Variants in MCF2L observed in about 807,000 individuals in gnomAD.
MCF2L encodes the protein guanine nucleotide exchange factor DBS.
A neutral mutation model predicts 153.4 loss-of-function variants in MCF2L; 97 were observed. The ratio of observed to expected loss-of-function variants is 0.63; its 90% CI spans 0.54 to 0.75. The LOEUF (loss-of-function observed/expected upper bound fraction) is 0.75. MCF2L is among the 30% of genes least tolerant of loss of function. The probability of loss-of-function intolerance (pLI) is 0.00; values close to 1 mark genes in which losing one functional copy is unlikely to be tolerated. For missense variants in MCF2L, 1,347 were observed against 1,495.2 expected, an observed-to-expected ratio of 0.90 and a Z score of 1.64; for synonymous variants, 659 against 632.2, an observed-to-expected ratio of 1.04 and a Z score of -0.64.
At position 113,035,220 on chromosome 13, in the gene MCF2L, C is replaced by T. The variant is rs1260012685; in HGVS notation, c.279-10051C>T. Among the ~76,000 whole-genome samples the T allele has an allele frequency of 6.6e-6, 1 of 152,230 alleles. No individual in the cohort carries two copies. Among genetic ancestry groups the T allele is most frequent in the Non-Finnish European group, 1.5e-5 (1 of 68,038 alleles). The stretch of plus-strand genomic sequence containing the variant: ...CTTCTCTGGGTGACTCTGACGCTCT[C>T]ATTGCTTCACGTTTAATTTTTGTGT... On this transcript the variant is annotated intron_variant, in intron 3 of 29. Coordinates refer to ENST00000535094, the MANE Select transcript of MCF2L (RefSeq NM_001112732.3). The surrounding 1 kb of genome is among the most constrained non-coding windows in gnomAD (Gnocchi z 4.4).
At chr13:112,910,573 G>A (rs1474851143) in intron 2 of MCF2L, 1 of 152,226 alleles carries the variant, frequency 6.6e-6, no homozygotes, top group African/African-American at 2.4e-5. Context: ...GTGCAGTTTT[G>A]TAAAAGACTT....
At chr13:112,971,224 C>G (rs1169216570) in intron 1 of MCF2L, among the ~76,000 whole-genome samples, 2 of 152,186 alleles carry the variant, frequency 1.3e-5, no homozygotes, top group Non-Finnish European at 2.9e-5. Flanking sequence ...TGCACATTCT[C>G]TGGTAGGGGT....
intron 1 of MCF2L, among the ~76,000 whole-genome samples, chr13:113,011,818 C>T (rs566589003): frequency 7.7e-5 from 7 of 90,562 alleles, no homozygotes; most frequent in African/African-American, 2.8e-4. Flanking sequence ...GCGGTGTGGA[C>T]GGTGGACACT....
chr13:112,905,410 TGTTACAGATTGGGAATGGATGTGG>T (rs1238869602), intron 2 of MCF2L, among the ~76,000 whole-genome samples: 1 of 152,256 alleles, frequency 6.6e-6, no homozygotes. Flanking sequence ...AGATGTGGGT[TGTTACAGATTGGGAATGGATGTGG>T]GTTACAGATT....
chr13:112,917,050 G>C, intron 2 of MCF2L: 1 of 471,008 alleles, frequency 2.1e-6, no homozygotes, highest in Non-Finnish European at 4.4e-6. Flanking sequence ...CCGGATTCCT[G>C]TCAACTCAAA....
chr13:113,022,487 C>T (rs3011516), intron 2 of MCF2L, among the ~76,000 whole-genome samples: 24,518 of 151,620 alleles, frequency 0.16, 2,100 homozygotes, highest in East Asian at 0.28. Flanking sequence ...CTGCCGTCGG[C>T]GTCACTCCAC....
chr13:113,058,355 G>T (rs2030653149), intron 4 of MCF2L, among the ~76,000 whole-genome samples: 1 of 149,602 alleles, frequency 6.7e-6, no homozygotes, highest in African/African-American at 2.5e-5. Context: ...CTGTGTGTTT[G>T]GTCACTGAGT....
At chr13:113,002,854 C>T (rs2083458404) in intron 1 of MCF2L, among the ~76,000 whole-genome samples, 1 of 152,140 alleles carries the variant, frequency 6.6e-6, no homozygotes, top group Admixed American at 6.5e-5. Context: ...AATGAATGAA[C>T]ATCTAAAGTT....
At chr13:112,971,120 G>A (rs1344791806) in intron 1 of MCF2L, among the ~76,000 whole-genome samples, 1 of 152,192 alleles carries the variant, frequency 6.6e-6, no homozygotes, top group Non-Finnish European at 1.5e-5. Context: ...GCTCAGCGGA[G>A]GCAAGTTATT....
chr13:113,092,711 G>A (rs1487007110), intron 26 of MCF2L, among the ~76,000 whole-genome samples: 1 of 152,260 alleles, frequency 6.6e-6, no homozygotes, highest in Non-Finnish European at 1.5e-5. Context: ...CAGCAGTGCT[G>A]GCCTGGCCTG....
intron 1 of MCF2L, among the ~76,000 whole-genome samples, chr13:112,977,672 G>T (rs1172236529): frequency 6.6e-6 from 1 of 152,162 alleles, no homozygotes; most frequent in Non-Finnish European, 1.5e-5. Context: ...ACCTTACCAC[G>T]CACAAGGGAA....
At chr13:113,036,711 T>C (rs570392422) in intron 3 of MCF2L, among the ~76,000 whole-genome samples, 4 of 152,140 alleles carry the variant, frequency 2.6e-5, no homozygotes, top group Non-Finnish European at 5.9e-5. Flanking sequence ...TCTTCAGGTG[T>C]CTGCGATATC....
At position 112,943,168 on chromosome 13, in the gene MCF2L, C is replaced by T. The variant is rs2081593621; in HGVS notation, c.169+40797C>T. 6.6e-6 allele frequency among the ~76,000 whole-genome samples: 1 copy of T among 152,250 alleles called. No individual in the cohort carries two copies. Among genetic ancestry groups the T allele is most frequent in the Admixed American group, 6.5e-5 (1 of 15,288 alleles). On this transcript the variant is annotated intron_variant, in intron 2 of 29. Transcript: ENST00000375608. This position sits in a 1 kb window ranked among gnomAD's most constrained non-coding sequence, Gnocchi z 4.2. The stretch of plus-strand genomic sequence containing the variant: ...CCAGCCTAGGGCTCAGCAGGTGTGA[C>T]TTAAAGGATCGCAGGTGACAGCCCT...
chr13:113,097,780 C>G lies in MCF2L; in HGVS notation c.*921C>G, dbSNP rs1187153129. On this transcript the variant is annotated 3_prime_UTR_variant, in exon 30 of 30. Coordinates refer to ENST00000535094, the MANE Select transcript of MCF2L (RefSeq NM_001112732.3). ...CAGGGTGTGGCGTGGACCAGTGCTG[C>G]CGACCATAGCTCAGAGAGCCCTGCC... The G allele has an allele frequency of 6.6e-6, 1 of 152,112 alleles. No individual in the cohort carries two copies. Among genetic ancestry groups the G allele is most frequent in the Non-Finnish European group, 1.5e-5 (1 of 68,034 alleles). The allele number at this position is 152,112 out of a possible 1,614,324, so 9.4% of individuals were successfully genotyped here.
intron 12 of MCF2L, 105 bp downstream of exon 12, chr13:113,076,262 T>C (rs982382843): frequency 4.7e-6 from 4 of 844,130 alleles, no homozygotes; most frequent in Non-Finnish European, 6.7e-6. Flanking sequence ...TTTGTATTTA[T>C]TTATTATTAT....
intron 2 of MCF2L, among the ~76,000 whole-genome samples, chr13:112,909,095 T>C (rs986562760): frequency 1.3e-5 from 2 of 152,162 alleles, no homozygotes; most frequent in Non-Finnish European, 2.9e-5. Context: ...TTCACTTGGT[T>C]TGAACTGTTC....
chr13:113,080,071 G>T (rs1462474439), intron 15 of MCF2L, among the ~76,000 whole-genome samples: 1 of 28,200 alleles, frequency 3.5e-5, no homozygotes, highest in African/African-American at 2.9e-4. Flanking sequence ...GAGAGTGTTC[G>T]TATGGAGGAG....
At chr13:112,942,100 T>C (rs963282608) in intron 2 of MCF2L, among the ~76,000 whole-genome samples, 21 of 152,168 alleles carry the variant, frequency 1.4e-4, no homozygotes, top group Non-Finnish European at 2.9e-4. Flanking sequence ...AAGACTCTAC[T>C]CCTCCACCTC....
intron 2 of MCF2L, among the ~76,000 whole-genome samples, chr13:112,963,784 G>A (rs2081861102): frequency 6.6e-6 from 1 of 152,226 alleles, no homozygotes; most frequent in Non-Finnish European, 1.5e-5. Flanking sequence ...TGGAAGACAG[G>A]GAGAGATACA....
Sources: allele counts gnomAD v4.1 joint callset (sites outside exome capture counted in the v4.1 genomes callset), GRCh38; gene constraint gnomAD v4.1.1; non-coding constraint Gnocchi (gnomAD v3.1); transcripts MANE v1.5; gene names NCBI Gene and HGNC (gene_info 2026-07-23, HGNC 2026-07-21).